The following SLC39A11 variants were observed in gnomAD, a reference collection of about 807,000 sequenced individuals.
The protein encoded by SLC39A11 is zinc transporter ZIP11.
SLC39A11 carries 33 observed loss-of-function variants against 36.1 expected under a neutral mutation model. That is an observed-to-expected ratio of 0.91 (90% CI 0.69 to 1.22). The LOEUF (loss-of-function observed/expected upper bound fraction) is 1.22. Ranked by LOEUF, SLC39A11 falls within the 50% of genes most tolerant of loss-of-function variation. The pLI, the probability that SLC39A11 is intolerant of heterozygous loss-of-function variation, is 0.00. For synonymous variants in SLC39A11, 166 were observed against 170.3 expected (o/e 0.97, Z 0.20); for missense variants, 432 against 430.3 (o/e 1.00, Z -0.03).
chr17:73,017,414 T>C (rs1036874391), intron 4 of SLC39A11, among the ~76,000 whole-genome samples: 3 of 151,946 alleles, frequency 2.0e-5, no homozygotes, highest in Admixed American at 6.6e-5. Context: ...CAGAAAAAGA[T>C]TGAAATTCAG....
At chr17:73,087,217 A>G (rs1448500288) in intron 2 of SLC39A11, among the ~76,000 whole-genome samples, 1 of 152,208 alleles carries the variant, frequency 6.6e-6, no homozygotes, top group East Asian at 1.9e-4. Flanking sequence ...GGTTCCAGAT[A>G]AACCATGTTT....
At chr17:72,649,644 C>CT (rs5821920) in intron 7 of SLC39A11, among the ~76,000 whole-genome samples, 56,573 of 138,096 alleles carry the variant, frequency 0.41, 11,567 homozygotes, top group African/African-American at 0.46. Flanking sequence ...TTTTCTTTTT[C>CT]TTTTTTTTTT....
intron 3 of SLC39A11, among the ~76,000 whole-genome samples, chr17:73,041,464 GAAGC>G (rs60075187): frequency 0.013 from 2,031 of 152,296 alleles, 48 homozygotes; most frequent in African/African-American, 0.046. Flanking sequence ...GCCTGGGTAA[GAAGC>G]AAGTAAACTC....
intron 6 of SLC39A11, among the ~76,000 whole-genome samples, chr17:72,783,699 T>C (rs2076399964): frequency 2.0e-5 from 3 of 151,902 alleles, no homozygotes; most frequent in Admixed American, 6.6e-5. Context: ...AGGAAAACCA[T>C]AGATCAGATC....
chr17:72,843,328 T>C (rs1310037500), intron 6 of SLC39A11, among the ~76,000 whole-genome samples: 1 of 152,084 alleles, frequency 6.6e-6, no homozygotes, highest in East Asian at 1.9e-4. Flanking sequence ...TGCAAAATAT[T>C]GTGTGTGGCT....
At chr17:72,769,628 TC>T (rs2075867895) in intron 6 of SLC39A11, among the ~76,000 whole-genome samples, 2 of 151,582 alleles carry the variant, frequency 1.3e-5, no homozygotes, top group South Asian at 2.1e-4. Flanking sequence ...CACTGCAACC[TC>T]CCCCTCCTGG....
intron 5 of SLC39A11, among the ~76,000 whole-genome samples, chr17:72,906,587 GAGAT>G (rs1184499122): frequency 7.2e-6 from 1 of 138,002 alleles, no homozygotes; most frequent in Non-Finnish European, 1.7e-5. Flanking sequence ...CTTGCTGTGA[GAGAT>G]ATACACTGAA....
Position 72,649,289 on chromosome 17 carries a change from A to G in SLC39A11, c.672-21T>C, listed in dbSNP as rs749522847. ...AATTCCTGAAAAACCAAGAAAGCAC[A>G]TGAAGGCTGCTGTCTGGAATAGGTG... On this transcript the variant is annotated intron_variant, in intron 7 of 9. Coordinates refer to ENST00000255559, the MANE Select transcript of SLC39A11 (RefSeq NM_139177.4). 19 of 1,607,680 alleles carry G rather than the reference A, an allele frequency of 1.2e-5. No individual in the cohort carries two copies. The African/African-American group carries it at 2.1e-4, about 18-fold the overall frequency.
intron 6 of SLC39A11, among the ~76,000 whole-genome samples, chr17:72,842,078 A>ATGTGTGTGTGTG (rs61185081): frequency 0.022 from 3,237 of 148,834 alleles, 36 homozygotes; most frequent in Middle Eastern, 0.034. Flanking sequence ...TCAAAAAACT[A>ATGTGTGTGTGTG]TGTGTGTGTG....
chr17:72,811,122 C>T (rs1444679704), intron 6 of SLC39A11, among the ~76,000 whole-genome samples: 5 of 151,582 alleles, frequency 3.3e-5, no homozygotes, highest in Non-Finnish European at 5.9e-5. Context: ...GAGCAGCTTA[C>T]AAACAACAAT....
chr17:73,087,671 C>T (rs948851580), intron 2 of SLC39A11, among the ~76,000 whole-genome samples: 2 of 151,286 alleles, frequency 1.3e-5, no homozygotes, highest in African/African-American at 4.9e-5. Flanking sequence ...ATAGGTAGAG[C>T]GTGTAGAAGG....
intron 7 of SLC39A11, among the ~76,000 whole-genome samples, chr17:72,680,436 T>C (rs567021533): frequency 2.7e-4 from 41 of 152,130 alleles, no homozygotes; most frequent in Admixed American, 1.3e-3. Context: ...ATCATGGGGG[T>C]AGGTCTTTCC....
chr17:72,884,285 T>C (rs900498157), intron 5 of SLC39A11, among the ~76,000 whole-genome samples: 16 of 152,242 alleles, frequency 1.1e-4, no homozygotes, highest in African/African-American at 3.9e-4. Flanking sequence ...ATGTTGGTCT[T>C]TGTACTGTTG....
intron 6 of SLC39A11, among the ~76,000 whole-genome samples, chr17:72,788,701 G>A (rs986385179): frequency 2.6e-5 from 4 of 152,250 alleles, no homozygotes; most frequent in Non-Finnish European, 5.9e-5. Context: ...GAGATGACAT[G>A]AGCCAATGGT....
At chr17:72,760,510 C>T (rs1035060450) in intron 6 of SLC39A11, among the ~76,000 whole-genome samples, 8 of 152,278 alleles carry the variant, frequency 5.3e-5, no homozygotes, top group African/African-American at 1.2e-4. Context: ...AACAATCCCA[C>T]GGCCACTGAG....
chr17:72,689,452 T>A (rs1423699890), intron 7 of SLC39A11, among the ~76,000 whole-genome samples: 1 of 151,700 alleles, frequency 6.6e-6, no homozygotes, highest in East Asian at 1.9e-4. Flanking sequence ...GTATACACCA[T>A]ACAGAAATGG....
Position 72,964,101 on chromosome 17 carries a change from G to A in SLC39A11, c.307-16226C>T, listed in dbSNP as rs890583256. 3.9e-5 allele frequency among the ~76,000 whole-genome samples: 6 copies of A among 152,208 alleles called. 1 individual carries two copies. The highest frequency in any genetic ancestry group is 6.8e-3 in the Middle Eastern group (2 of 292). On this transcript the variant is annotated intron_variant, in intron 4 of 9. Transcript: ENST00000255559. ...AGGTACACACGAGTTTTCCTCGTAC[G>A]ATGCAAGTGCCATGGCTATTCCAAA...
At chr17:72,779,092 A>G (rs1484487419) in intron 6 of SLC39A11, among the ~76,000 whole-genome samples, 1 of 152,198 alleles carries the variant, frequency 6.6e-6, no homozygotes, top group Non-Finnish European at 1.5e-5. Flanking sequence ...CAGCACAAGA[A>G]AAAGATTTTC....
intron 6 of SLC39A11, among the ~76,000 whole-genome samples, chr17:72,759,965 T>C (rs1397118568): frequency 6.6e-6 from 1 of 152,148 alleles, no homozygotes; most frequent in Non-Finnish European, 1.5e-5. Context: ...GATGTCCAAA[T>C]GTCTTAGGTC....
Sources: gnomAD v4.1 joint callset for allele counts (sites outside exome capture counted in the v4.1 genomes callset) on GRCh38, gnomAD v4.1.1 for gene constraint, MANE v1.5 for transcripts, NCBI Gene and HGNC (gene_info 2026-07-23, HGNC 2026-07-21) for gene names.